The following FOXN3 variants were observed in gnomAD, a reference collection of about 807,000 sequenced individuals.
FOXN3 encodes forkhead box protein N3.
A neutral mutation model predicts 38.4 loss-of-function variants in FOXN3; 7 were observed. That is an observed-to-expected ratio of 0.18 (90% CI 0.10 to 0.34). The LOEUF is 0.34. Among genes scored for constraint, FOXN3 ranks in the 10% least tolerant of loss-of-function variants. The pLI is 1.00. For missense variants in FOXN3, 456 were observed against 613.4 expected (o/e 0.74, Z 2.71); for synonymous variants, 230 against 242.2 (o/e 0.95, Z 0.47).
intron 1 of FOXN3, among the ~76,000 whole-genome samples, chr14:89,475,761 T>C (rs995681122): frequency 1.3e-5 from 2 of 152,170 alleles, no homozygotes; most frequent in Non-Finnish European, 2.9e-5. Flanking sequence ...CAGCAGGCCA[T>C]TCATTTCCTT....
chr14:89,522,993 C>T (rs1894353878), intron 1 of FOXN3, among the ~76,000 whole-genome samples: 1 of 151,116 alleles, frequency 6.6e-6, no homozygotes, highest in African/African-American at 2.4e-5. Flanking sequence ...AATATAAAAC[C>T]ACAACTACGT....
chr14:89,336,267 AT>A (rs1888459885), intron 3 of FOXN3, among the ~76,000 whole-genome samples: 2 of 40,554 alleles, frequency 4.9e-5, no homozygotes, highest in African/African-American at 1.4e-4. Context: ...TCCACACAGA[AT>A]CCTCTCTGCT....
At chr14:89,466,281 G>C (rs759769401) in intron 1 of FOXN3, among the ~76,000 whole-genome samples, 9 of 152,144 alleles carry the variant, frequency 5.9e-5, no homozygotes, top group African/African-American at 2.2e-4. Context: ...ACTGAGATGT[G>C]AGTAACCAAT....
At chr14:89,401,909 C>T (rs947807912) in intron 2 of FOXN3, among the ~76,000 whole-genome samples, 4 of 152,152 alleles carry the variant, frequency 2.6e-5, no homozygotes, top group African/African-American at 9.7e-5. Context: ...AATTGGAGAG[C>T]TTTTTCCCCT....
chr14:89,565,702 C>T (rs537270422), intron 1 of FOXN3, among the ~76,000 whole-genome samples: 1 of 152,240 alleles, frequency 6.6e-6, no homozygotes, highest in African/African-American at 2.4e-5. Context: ...ACTCCAGAAC[C>T]CTATGCCCAC....
chr14:89,305,706 A>G (rs1170499105), intron 3 of FOXN3, among the ~76,000 whole-genome samples: 2 of 152,224 alleles, frequency 1.3e-5, no homozygotes, highest in Non-Finnish European at 2.9e-5. Context: ...ATAAAAGGAG[A>G]CAAATATTTA....
chr14:89,368,687 T>A (rs1169502730), intron 2 of FOXN3, among the ~76,000 whole-genome samples: 1 of 151,746 alleles, frequency 6.6e-6, no homozygotes, highest in African/African-American at 2.4e-5. Flanking sequence ...GTCACTAAGG[T>A]ATTCACCTCA....
chr14:89,347,914 G>T (rs554486452), intron 3 of FOXN3, among the ~76,000 whole-genome samples: 4 of 151,776 alleles, frequency 2.6e-5, no homozygotes, highest in Non-Finnish European at 5.9e-5. Context: ...AGATTGCACC[G>T]CTGCACTCCA....
At chr14:89,251,817 T>C (rs1885464883) in intron 4 of FOXN3, among the ~76,000 whole-genome samples, 1 of 152,236 alleles carries the variant, frequency 6.6e-6, no homozygotes, top group African/African-American at 2.4e-5. Flanking sequence ...ACACCAATGA[T>C]GTGCTATGGG....
chr14:89,330,946 G>A (rs765421816), intron 3 of FOXN3, among the ~76,000 whole-genome samples: 6 of 152,240 alleles, frequency 3.9e-5, no homozygotes, highest in African/African-American at 7.2e-5. Context: ...ATAAACGGCT[G>A]CTGGAATGTG....
At chr14:89,317,547 G>A (rs1411007730) in intron 3 of FOXN3, among the ~76,000 whole-genome samples, 1 of 152,148 alleles carries the variant, frequency 6.6e-6, no homozygotes, top group Non-Finnish European at 1.5e-5. Flanking sequence ...GCAAATTTCA[G>A]CAGGGGTAAA....
chr14:89,347,379 G>C (rs1888792831), intron 3 of FOXN3, among the ~76,000 whole-genome samples: 1 of 152,154 alleles, frequency 6.6e-6, no homozygotes, highest in Non-Finnish European at 1.5e-5. Context: ...AAGGCCAAAA[G>C]CATTCCAGCA....
chr14:89,173,421 A>G (rs1348981705), intron 5 of FOXN3, among the ~76,000 whole-genome samples: 2 of 152,264 alleles, frequency 1.3e-5, no homozygotes, highest in African/African-American at 4.8e-5. Context: ...AAAGCTGAGC[A>G]TGTACATACC....
chr14:89,163,296 T>C lies in FOXN3; in HGVS notation c.852-327A>G, dbSNP rs1211120967. On this transcript the variant is annotated intron_variant, in intron 5 of 5. Transcript: ENST00000557258. The surrounding 1 kb of genome is among the most constrained non-coding windows in gnomAD (Gnocchi z 4.3). Reference sequence around the variant, plus strand: ...TAAACCATAAAAATCAAGCTGTGCTTGGTTCGTGTCCCCGCCAACACCACA... The same window carrying C: ...TAAACCATAAAAATCAAGCTGTGCTCGGTTCGTGTCCCCGCCAACACCACA... 2.0e-5 allele frequency among the ~76,000 whole-genome samples: 3 copies of C among 152,166 alleles called. No homozygotes were observed. Among genetic ancestry groups the C allele is most frequent in the Non-Finnish European group, 4.4e-5 (3 of 68,024 alleles).
At chr14:89,590,700 T>C (rs980700967) in intron 1 of FOXN3, among the ~76,000 whole-genome samples, 1 of 152,126 alleles carries the variant, frequency 6.6e-6, no homozygotes, top group Non-Finnish European at 1.5e-5. Context: ...CTAGAATTCC[T>C]CTTCCCCAAA....
intron 3 of FOXN3, among the ~76,000 whole-genome samples, chr14:89,282,634 C>T (rs1467742215): frequency 6.6e-6 from 1 of 152,226 alleles, no homozygotes; most frequent in Non-Finnish European, 1.5e-5. Flanking sequence ...GTTGCCAATA[C>T]AGAATCACCT....
intron 1 of FOXN3, among the ~76,000 whole-genome samples, chr14:89,505,092 T>C (rs1893884035): frequency 6.6e-6 from 1 of 152,234 alleles, no homozygotes; most frequent in Admixed American, 6.5e-5. Context: ...GGTTTCTGCC[T>C]GGCTGAGTTA....
intron 5 of FOXN3, among the ~76,000 whole-genome samples, chr14:89,175,771 C>T (rs1887504526): frequency 1.3e-5 from 2 of 152,152 alleles, no homozygotes; most frequent in South Asian, 4.2e-4. Context: ...GAGCCCTGGA[C>T]ATGTCATTCT....
chr14:89,180,074 C>A (rs979276600), intron 5 of FOXN3, among the ~76,000 whole-genome samples: 1 of 152,154 alleles, frequency 6.6e-6, no homozygotes, highest in Non-Finnish European at 1.5e-5. Flanking sequence ...GCCAATGGTG[C>A]CTATGAGGGC....
Sources: allele counts gnomAD v4.1 joint callset (sites outside exome capture counted in the v4.1 genomes callset), GRCh38; gene constraint gnomAD v4.1.1; non-coding constraint Gnocchi (gnomAD v3.1); transcripts MANE v1.5; gene names NCBI Gene and HGNC (gene_info 2026-07-23, HGNC 2026-07-21).